LRP1: variants seen among roughly 807,000 people sequenced by gnomAD.
The protein encoded by LRP1 is LDL receptor related protein 1.
A neutral mutation model predicts 541.5 loss-of-function variants in LRP1; 51 were observed. That is an observed-to-expected ratio of 0.09 (90% confidence interval 0.08 to 0.12). LRP1 has a LOEUF of 0.12. Ranked by LOEUF, LRP1 falls within the 10% of genes least tolerant of loss-of-function variation. The probability of loss-of-function intolerance (pLI) is 1.00; values close to 1 mark genes in which losing one functional copy is unlikely to be tolerated. For synonymous variants in LRP1, 2,219 were observed against 2,470.8 expected, an observed-to-expected ratio of 0.90 and a Z score of 3.02; for missense variants, 3,878 against 6,376.2, an observed-to-expected ratio of 0.61 and a Z score of 13.34.
intron 17 of LRP1, 195 bp downstream of exon 17, chr12:57,166,404 T>C: frequency 1.5e-6 from 1 of 665,188 alleles, no homozygotes. Flanking sequence ...CAAAAAAAAT[T>C]TAAAAAAACT....
chr12:57,183,665 C>A lies in LRP1; in HGVS notation c.5795-110C>A. On this transcript the variant is annotated intron_variant, in intron 35 of 88. Transcript: ENST00000243077. The surrounding 1 kb of genome is among the most constrained non-coding windows in gnomAD (Gnocchi z 6.1). ...CCTGACTCCACCTCCCCTTCAAGCACCTGGCCCCTCCGGCACTCTCTCACC... is the reference window on the plus strand; with the variant it reads ...CCTGACTCCACCTCCCCTTCAAGCAACTGGCCCCTCCGGCACTCTCTCACC... The A allele has an allele frequency of 2.0e-6, 3 of 1,513,304 alleles. No individual in the cohort carries two copies. Among genetic ancestry groups the A allele is most frequent in the Non-Finnish European group, 2.7e-6 (3 of 1,115,974 alleles). 93.7% of individuals were successfully genotyped at this position (1,513,304 alleles called of 1,614,324 possible). A position where few individuals can be genotyped will look rare whatever the true frequency, so the allele number is the denominator to read the frequency against.
Position 57,206,799 on chromosome 12 carries a change from G to C in LRP1, c.11859+58G>C. On this transcript the variant is annotated intron_variant, in intron 76 of 88. Transcript: ENST00000243077. The surrounding 1 kb of genome is among the most constrained non-coding windows in gnomAD (Gnocchi z 4.7). ...AGAGCTCCATAGAGCAGGCGGTTCA[G>C]AGCAGGATTTGAAAAGGGCAGTGCT... 1.9e-6 allele frequency: 3 copies of C among 1,579,040 alleles called. No individual in the cohort carries two copies. Among genetic ancestry groups the C allele is most frequent in the Non-Finnish European group, 2.6e-6 (3 of 1,164,928 alleles).
intron 3 of LRP1, among the ~76,000 whole-genome samples, chr12:57,142,884 C>G (rs2035324980): frequency 6.6e-6 from 1 of 152,164 alleles, no homozygotes; most frequent in South Asian, 2.1e-4. Flanking sequence ...CTTAGTGCCT[C>G]TAAACGTCTT....
intron 76 of LRP1, among the ~76,000 whole-genome samples, chr12:57,207,095 T>C (rs1005658560): frequency 6.6e-6 from 1 of 151,652 alleles, no homozygotes. Context: ...ACAAAAAAAT[T>C]AGCCGGGCAT....
chr12:57,150,351 C>T (rs1475380774), intron 6 of LRP1, among the ~76,000 whole-genome samples: 1 of 152,038 alleles, frequency 6.6e-6, no homozygotes, highest in Non-Finnish European at 1.5e-5. Flanking sequence ...GCCACCACGC[C>T]TGGCTAATTT....
chr12:57,198,868 G>T (rs1197502012), intron 60 of LRP1, among the ~76,000 whole-genome samples, 198 bp downstream of exon 60: 1 of 152,234 alleles, frequency 6.6e-6, no homozygotes, highest in Non-Finnish European at 1.5e-5. Context: ...GCTCCCTTGG[G>T]AAGGAAGAGG....
At chr12:57,210,950 T>C in intron 83 of LRP1, 71 bp downstream of exon 83, 2 of 1,546,376 alleles carry the variant, frequency 1.3e-6, no homozygotes, top group Non-Finnish European at 1.8e-6. Context: ...TGGGGTGATG[T>C]TCAACCTGTG....
chr12:57,181,487 T>C (rs2036166410), intron 34 of LRP1, among the ~76,000 whole-genome samples, 196 bp downstream of exon 34: 1 of 152,192 alleles, frequency 6.6e-6, no homozygotes, highest in Non-Finnish European at 1.5e-5. Context: ...AGCAGGCAGA[T>C]CGGGGCAGCT....
rs1411745452 is a variant in LRP1, at chr12:57,204,529, G to T, written c.11071G>T (p.Ala3691Ser). 3.1e-6 allele frequency: 5 copies of T among 1,605,050 alleles called. No homozygotes were observed. Among genetic ancestry groups the T allele is most frequent in the Admixed American group, 1.7e-5 (1 of 59,536 alleles). Residue 3691 changes from alanine (A) to serine (S), a missense_variant and splice_region_variant, in exon 71 of 89, where the codon GCC becomes TCC. Ala to Ser is a moderately conservative substitution (Grantham distance 99, BLOSUM62 1). Transcript: ENST00000243077. This position sits in a 1 kb window ranked among gnomAD's most constrained non-coding sequence, Gnocchi z 5.3. ...CTCAGATGAGAACCCCGAGGAGTGTGGTGAGATTTGGGGCGGGGCTCCCAG... is the reference window on the plus strand; with the variant it reads ...CTCAGATGAGAACCCCGAGGAGTGTTGTGAGATTTGGGGCGGGGCTCCCAG... ...DNSDENPEEC[A>S]RFVCPPNRPF... is the part of the protein sequence containing the mutation.
chr12:57,162,202 G>GA lies in LRP1; in HGVS notation c.2203-112dup. On this transcript the variant is annotated intron_variant, in intron 13 of 88. Transcript: ENST00000243077. The surrounding 1 kb of genome is among the most constrained non-coding windows in gnomAD (Gnocchi z 5.2). ...CTCTGGGGCTCCCAGGCTAATGGGG[G>GA]AAACAAAGCAAAACCCATGCCCAGG... 1.1e-6 allele frequency: 1 copy of GA among 937,364 alleles called. No homozygotes were observed. Among genetic ancestry groups the GA allele is most frequent in the Non-Finnish European group, 1.7e-6 (1 of 583,284 alleles). 58.1% of individuals were successfully genotyped at this position (937,364 alleles called of 1,614,324 possible).
chr12:57,180,895 G>A (rs1461614851), intron 33 of LRP1, 88 bp downstream of exon 33: 2 of 1,552,404 alleles, frequency 1.3e-6, no homozygotes, highest in African/African-American at 2.7e-5. Context: ...TGGGGCAAGG[G>A]AGTAAGTGGG....
chr12:57,167,127 A>C, intron 18 of LRP1, 81 bp downstream of exon 18: 1 of 1,161,496 alleles, frequency 8.6e-7, no homozygotes, highest in South Asian at 1.3e-5. Flanking sequence ...GGTGCCGGAG[A>C]CACCTGCAAC....
In LRP1 at chr12:57,183,627, C is replaced by T; in HGVS notation, c.5794+117C>T. On this transcript the variant is annotated intron_variant, in intron 35 of 88. Coordinates refer to ENST00000243077, the MANE Select transcript of LRP1 (RefSeq NM_002332.3). The surrounding 1 kb of genome is among the most constrained non-coding windows in gnomAD (Gnocchi z 6.1). ...GAATTGGCCTGAGGTGGGGCACTTG[C>T]TACAGCTGCCACCCTGACTCCACCT... 6.7e-7 allele frequency: 1 copy of T among 1,483,440 alleles called. No individual in the cohort carries two copies. The highest frequency in any genetic ancestry group is 2.4e-5 in the East Asian group (1 of 41,774). 91.9% of individuals were successfully genotyped at this position (1,483,440 alleles called of 1,614,324 possible).
chr12:57,183,201 G>A lies in LRP1; in HGVS notation c.5663-178G>A, dbSNP rs1592639787. ...TTCCCCAGAGCTACCAGCCAGGTGC[G>A]CTTCCTCCCGGCCCATGCTCTGGCC... On this transcript the variant is annotated intron_variant, in intron 34 of 88. Transcript: ENST00000243077. This position sits in a 1 kb window ranked among gnomAD's most constrained non-coding sequence, Gnocchi z 6.1. 6.6e-6 allele frequency among the ~76,000 whole-genome samples: 1 copy of A among 152,100 alleles called. No homozygotes were observed. Among genetic ancestry groups the A allele is most frequent in the Non-Finnish European group, 1.5e-5 (1 of 68,006 alleles).
At chr12:57,200,170 G>A (rs1392244132) in intron 62 of LRP1, 145 bp downstream of exon 62, 2 of 695,336 alleles carry the variant, frequency 2.9e-6, no homozygotes, top group African/African-American at 1.8e-5. Flanking sequence ...CCTACCTCTT[G>A]TCTCCCCACA....
At position 57,189,868 on chromosome 12, in the gene LRP1, C is replaced by G. The variant is rs544933752; in HGVS notation, c.7032-937C>G. ...CCCCGCCCTGGGCCTAGCTGAGTGA[C>G]AAGCTCTGGGACCGAGGACCCAGGG... On this transcript the variant is annotated intron_variant, in intron 42 of 88. Coordinates refer to ENST00000243077, the MANE Select transcript of LRP1 (RefSeq NM_002332.3). The surrounding 1 kb of genome is among the most constrained non-coding windows in gnomAD (Gnocchi z 4.4). Among the ~76,000 whole-genome samples the G allele has an allele frequency of 1.3e-5, 2 of 152,216 alleles. No homozygotes were observed. The highest frequency in any genetic ancestry group is 4.1e-4 in the South Asian group (2 of 4,820).
Position 57,138,537 on chromosome 12 carries a change from G to C in LRP1, c.146G>C (p.Gly49Ala). The part of the protein sequence containing the change: ...TCISKGWRCD[G>A]ERDCPDGSDE... ...ATCTCAAAGGGCTGGCGGTGCGACG[G>C]TGAGAGGGACTGCCCAGACGGATCT... Residue 49 changes from glycine to alanine, a missense_variant, in exon 2 of 89, where the codon GGT becomes GCT. Transcript: ENST00000243077. 6.2e-7 allele frequency: 1 copy of C among 1,614,116 alleles called. No homozygotes were observed. The highest frequency in any genetic ancestry group is 1.7e-5 in the Admixed American group (1 of 60,018).
intron 1 of LRP1, among the ~76,000 whole-genome samples, chr12:57,135,181 C>T (rs2035131001): frequency 6.6e-6 from 1 of 152,222 alleles, no homozygotes; most frequent in Non-Finnish European, 1.5e-5. Context: ...CAATCAGTGG[C>T]TGGTGGTTAG....
intron 46 of LRP1, 53 bp from the exon 47 acceptor site, chr12:57,193,513 C>G: frequency 6.3e-7 from 1 of 1,594,176 alleles, no homozygotes; most frequent in Non-Finnish European, 8.6e-7. Context: ...CTCAGGGAGG[C>G]AGCCCTTTCC....
Sources: allele counts gnomAD v4.1 joint callset (sites outside exome capture counted in the v4.1 genomes callset), GRCh38; gene constraint gnomAD v4.1.1; non-coding constraint Gnocchi (gnomAD v3.1); transcripts MANE v1.5; gene names NCBI Gene and HGNC (gene_info 2026-07-23, HGNC 2026-07-21).